Variants in NXPH2 observed in about 807,000 individuals in gnomAD.
NXPH2 encodes the protein neurexophilin 2, also known as neurexophilin-2.
A neutral mutation model predicts 19.8 loss-of-function variants in NXPH2; 5 were observed. That is an observed-to-expected ratio of 0.25 (90% CI 0.13 to 0.53). The LOEUF (loss-of-function observed/expected upper bound fraction) is 0.53. NXPH2 is among the 20% of genes least tolerant of loss of function. The pLI is 0.96. For missense variants in NXPH2, 289 were observed against 322.8 expected (o/e 0.90, Z 0.80); for synonymous variants, 154 against 127.4 (o/e 1.21, Z -1.41).
intron 1 of NXPH2, among the ~76,000 whole-genome samples, chr2:138,679,971 A>G (rs1680548170): frequency 6.6e-6 from 1 of 152,090 alleles, no homozygotes; most frequent in Non-Finnish European, 1.5e-5. Flanking sequence ...TTGCAGAAAA[A>G]GATCTGTCAC....
At chr2:138,758,605 C>T (rs1190562414) in intron 1 of NXPH2, among the ~76,000 whole-genome samples, 2 of 152,180 alleles carry the variant, frequency 1.3e-5, no homozygotes, top group Non-Finnish European at 2.9e-5. Context: ...ATGAAACATA[C>T]CCTGCTTAAC....
intron 1 of NXPH2, among the ~76,000 whole-genome samples, chr2:138,693,311 G>A (rs976247855): frequency 6.6e-6 from 1 of 152,280 alleles, no homozygotes; most frequent in South Asian, 2.1e-4. Context: ...TCCATCACCT[G>A]CCTTTGGTCA....
chr2:138,754,997 G>A (rs1037086200), intron 1 of NXPH2, among the ~76,000 whole-genome samples: 2 of 152,104 alleles, frequency 1.3e-5, no homozygotes, highest in African/African-American at 4.8e-5. Flanking sequence ...ATGTTTATGT[G>A]TTATCAGTAC....
At chr2:138,715,803 A>T (rs1681188387) in intron 1 of NXPH2, among the ~76,000 whole-genome samples, 1 of 152,054 alleles carries the variant, frequency 6.6e-6, no homozygotes, top group Non-Finnish European at 1.5e-5. Context: ...CAGGTCCAGG[A>T]TGTTTACTAG....
At chr2:138,715,919 C>T (rs1681189874) in intron 1 of NXPH2, among the ~76,000 whole-genome samples, 1 of 152,090 alleles carries the variant, frequency 6.6e-6, no homozygotes, top group South Asian at 2.1e-4. Context: ...GCCTCTCTGT[C>T]CTGGGGTGGG....
intron 1 of NXPH2, among the ~76,000 whole-genome samples, chr2:138,715,929 G>T (rs1681190007): frequency 6.6e-6 from 1 of 152,066 alleles, no homozygotes; most frequent in Admixed American, 6.6e-5. Context: ...CCTGGGGTGG[G>T]GTGAGGGCTA....
At chr2:138,700,627 A>C (rs890386727) in intron 1 of NXPH2, among the ~76,000 whole-genome samples, 2 of 152,008 alleles carry the variant, frequency 1.3e-5, no homozygotes, top group Non-Finnish European at 2.9e-5. Flanking sequence ...CTCTCTGTTC[A>C]CCTTTAAATA....
chr2:138,733,021 G>C (rs934703273), intron 1 of NXPH2, among the ~76,000 whole-genome samples: 1 of 152,124 alleles, frequency 6.6e-6, no homozygotes, highest in African/African-American at 2.4e-5. Context: ...ATGATCTCTT[G>C]TTCTGTTTGA....
chr2:138,728,840 C>A (rs933186525), intron 1 of NXPH2, among the ~76,000 whole-genome samples: 1 of 152,180 alleles, frequency 6.6e-6, no homozygotes, highest in Non-Finnish European at 1.5e-5. Flanking sequence ...AAAGTATTTT[C>A]ATGACTTCTG....
intron 1 of NXPH2, among the ~76,000 whole-genome samples, chr2:138,707,094 C>CAAAAAAAAAAAACAAAAAAAAAAAAAAA (rs1681027787): frequency 5.7e-5 from 2 of 34,836 alleles, no homozygotes; most frequent in African/African-American, 1.6e-4. Flanking sequence ...TGCCCCATGA[C>CAAAAAAAAAAAACAAAAAAAAAAAAAAA]AAAAAAAAAA....
chr2:138,752,754 C>T (rs1681845930), intron 1 of NXPH2, among the ~76,000 whole-genome samples: 1 of 152,064 alleles, frequency 6.6e-6, no homozygotes, highest in Non-Finnish European at 1.5e-5. Context: ...GTGGCAGTTT[C>T]TCAGACTTTC....
At chr2:138,719,564 T>C (rs551756266) in intron 1 of NXPH2, among the ~76,000 whole-genome samples, 6 of 152,340 alleles carry the variant, frequency 3.9e-5, no homozygotes, top group African/African-American at 1.4e-4. Context: ...AGTGTTACTT[T>C]CTTCATTTAA....
At chr2:138,715,087 C>A (rs947188740) in intron 1 of NXPH2, among the ~76,000 whole-genome samples, 4 of 152,190 alleles carry the variant, frequency 2.6e-5, no homozygotes, top group African/African-American at 9.6e-5. Context: ...TAGGTACTCT[C>A]ATCCGAGCAT....
intron 1 of NXPH2, among the ~76,000 whole-genome samples, chr2:138,711,040 T>C (rs1681097910): frequency 6.6e-6 from 1 of 152,080 alleles, no homozygotes; most frequent in Non-Finnish European, 1.5e-5. Flanking sequence ...ACTCTCATAT[T>C]GCAAAATGTT....
intron 1 of NXPH2, among the ~76,000 whole-genome samples, chr2:138,714,771 C>T (rs529172083): frequency 6.6e-6 from 1 of 152,152 alleles, no homozygotes; most frequent in Admixed American, 6.5e-5. Flanking sequence ...TGCAAAAGAA[C>T]ACAAGAGCAA....
intron 1 of NXPH2, among the ~76,000 whole-genome samples, chr2:138,771,029 A>G (rs186261365): frequency 1.3e-5 from 2 of 152,276 alleles, no homozygotes; most frequent in East Asian, 3.9e-4. Flanking sequence ...GCATGCACAT[A>G]CAATGTAATA....
chr2:138,729,136 T>G (rs1215589925), intron 1 of NXPH2, among the ~76,000 whole-genome samples: 1 of 152,186 alleles, frequency 6.6e-6, no homozygotes, highest in Non-Finnish European at 1.5e-5. Flanking sequence ...CCTCAACAGC[T>G]TTAGTGCCTG....
intron 1 of NXPH2, among the ~76,000 whole-genome samples, chr2:138,706,072 T>A (rs1681005004): frequency 6.6e-6 from 1 of 152,226 alleles, no homozygotes; most frequent in Admixed American, 6.5e-5. Context: ...GTTTACAGTT[T>A]TATGTATCAG....
intron 1 of NXPH2, among the ~76,000 whole-genome samples, chr2:138,779,055 C>T (rs1287878969): frequency 6.6e-6 from 1 of 152,166 alleles, no homozygotes; most frequent in Non-Finnish European, 1.5e-5. Context: ...ATATCATAAA[C>T]TTTCAAAGTT....
Sources: gnomAD v4.1 joint callset for allele counts (sites outside exome capture counted in the v4.1 genomes callset) on GRCh38, gnomAD v4.1.1 for gene constraint, MANE v1.5 for transcripts, NCBI Gene and HGNC (gene_info 2026-07-23, HGNC 2026-07-21) for gene names.